Variants in JPH2 observed in about 807,000 individuals in gnomAD.
JPH2 encodes the protein junctophilin-2.
Under a neutral mutation model 55.9 loss-of-function variants are expected in JPH2, and 38 were observed. The ratio of observed to expected loss-of-function variants is 0.68; its 90% confidence interval spans 0.52 to 0.89. The LOEUF is 0.89. Ranked by LOEUF, JPH2 falls within the 40% of genes least tolerant of loss-of-function variation. The pLI is 0.00. For missense variants in JPH2, 964 were observed against 1,037.6 expected (o/e 0.93, Z 0.97); for synonymous variants, 480 against 472.4 (o/e 1.02, Z -0.21).
At chr20:44,165,662 C>T (rs1194230150) in intron 1 of JPH2, among the ~76,000 whole-genome samples, 2 of 152,184 alleles carry the variant, frequency 1.3e-5, no homozygotes, top group Non-Finnish European at 2.9e-5. Flanking sequence ...TGCTCCTCTC[C>T]CGCCATCCTC....
In JPH2 at chr20:44,160,305, G is replaced by T. The variant is rs587782951; in HGVS notation, c.482C>A (p.Thr161Lys). Residue 161 changes from threonine (T) to lysine (K), a missense_variant, in exon 2 of 6, where the codon ACG (threonine) becomes AAG (lysine). Coordinates refer to ENST00000372980, the MANE Select transcript of JPH2 (RefSeq NM_020433.5). The surrounding 1 kb of genome is among the most constrained non-coding windows in gnomAD (Gnocchi z 4.9). ...MAVVVRSPLR[T>K]SLSSLRSEHS... Reference sequence around the variant, plus strand: ...CTCGCTGCGCAGGGACGACAGCGACGTGCGCAGCGGCGAGCGCACCACCAC... The same window carrying T: ...CTCGCTGCGCAGGGACGACAGCGACTTGCGCAGCGGCGAGCGCACCACCAC... 1.3e-6 allele frequency: 2 copies of T among 1,551,868 alleles called. No homozygotes were observed.
At chr20:44,117,378 C>G (rs186370048) in intron 3 of JPH2, among the ~76,000 whole-genome samples, 4 of 152,316 alleles carry the variant, frequency 2.6e-5, no homozygotes, top group Non-Finnish European at 4.4e-5. Context: ...CTACCAAGGC[C>G]GGGAGGTCCT....
intron 2 of JPH2, among the ~76,000 whole-genome samples, chr20:44,144,302 A>G (rs2072478592): frequency 6.6e-6 from 1 of 152,118 alleles, no homozygotes; most frequent in Non-Finnish European, 1.5e-5. Flanking sequence ...CGTTCTACTC[A>G]TCTCGGGCTC....
chr20:44,186,258 C>T (rs2072839281), intron 1 of JPH2, 69 bp downstream of exon 1: 3 of 1,570,290 alleles, frequency 1.9e-6, no homozygotes, highest in African/African-American at 2.7e-5. Flanking sequence ...TCGCCTTTCC[C>T]ACCCTCCACC....
chr20:44,169,785 T>C (rs769182305), intron 1 of JPH2, among the ~76,000 whole-genome samples: 3 of 152,034 alleles, frequency 2.0e-5, no homozygotes, highest in Non-Finnish European at 4.4e-5. Flanking sequence ...CTTTAAGAGG[T>C]GATTAATCCA....
At chr20:44,150,498 T>G (rs2072524058) in intron 2 of JPH2, among the ~76,000 whole-genome samples, 1 of 152,152 alleles carries the variant, frequency 6.6e-6, no homozygotes, top group African/African-American at 2.4e-5. Context: ...CCCAGCGGCC[T>G]TTTTTTCCCC....
At position 44,134,662 on chromosome 20, in the gene JPH2, ATATAAATATATATTTATAAATAT is replaced by A. The variant is rs1445648942; in HGVS notation, c.1170-16062_1170-16040del. ...ATATATAAATATTTATTATAAATAT[ATATAAATATATATTTATAAATAT>A]TATAAATATATATACATTAATATAT... On this transcript the variant is annotated intron_variant, in intron 2 of 5. Coordinates refer to ENST00000372980, the MANE Select transcript of JPH2 (RefSeq NM_020433.5). 1.4e-4 allele frequency among the ~76,000 whole-genome samples: 4 copies of A among 29,130 alleles called. 1 individual carries two copies. The highest frequency in any genetic ancestry group is 2.2e-4 in the Non-Finnish European group (4 of 18,296). The allele number at this position is 29,130 out of a possible 152,430, so 19.1% of individuals were successfully genotyped here.
chr20:44,118,955 C>T (rs2072214719), intron 2 of JPH2, among the ~76,000 whole-genome samples: 2 of 152,218 alleles, frequency 1.3e-5, no homozygotes, highest in African/African-American at 4.8e-5. Context: ...CTCTTTTTTC[C>T]CCAGCATTGC....
At chr20:44,166,396 A>G (rs763106112) in intron 1 of JPH2, among the ~76,000 whole-genome samples, 2 of 152,252 alleles carry the variant, frequency 1.3e-5, no homozygotes, top group Non-Finnish European at 2.9e-5. Flanking sequence ...GAGAGCAGAG[A>G]AGATGGTAAA....
At chr20:44,127,178 A>G (rs147004006) in intron 2 of JPH2, among the ~76,000 whole-genome samples, 7 of 152,324 alleles carry the variant, frequency 4.6e-5, no homozygotes, top group African/African-American at 9.6e-5. Flanking sequence ...CATTGTGTGG[A>G]TAAACCATAT....
chr20:44,140,333 C>A (rs1229782947), intron 2 of JPH2, among the ~76,000 whole-genome samples: 1 of 152,154 alleles, frequency 6.6e-6, no homozygotes, highest in Non-Finnish European at 1.5e-5. Context: ...TCTGACAAAT[C>A]CCTTCTAGAG....
chr20:44,134,805 AAAT>A (rs1213150171), intron 2 of JPH2, among the ~76,000 whole-genome samples: 3 of 60,808 alleles, frequency 4.9e-5, no homozygotes, highest in Non-Finnish European at 9.5e-5. Flanking sequence ...CATTTATTAT[AAAT>A]ATATATAAAT....
At chr20:44,152,339 T>C (rs1393763497) in intron 2 of JPH2, among the ~76,000 whole-genome samples, 1 of 152,216 alleles carries the variant, frequency 6.6e-6, no homozygotes, top group Non-Finnish European at 1.5e-5. Flanking sequence ...AAAATGAGAA[T>C]AACAGTACCT....
rs532994696 is a variant in JPH2 at position 44,130,630 on chromosome 20, T to C, written c.1170-12007A>G. ...TGCTGGCAAAGAGGCTTTCACTGCA[T>C]GAGCTGACAGAGCACTCCAAAACCA... On this transcript the variant is annotated intron_variant, in intron 2 of 5. Coordinates refer to ENST00000372980, the MANE Select transcript of JPH2 (RefSeq NM_020433.5). Among the ~76,000 whole-genome samples, 6 of 152,374 alleles carry C rather than the reference T, an allele frequency of 3.9e-5. No homozygotes were observed. The South Asian group carries it at 1.2e-3, about 32-fold the overall frequency.
rs527293388 is a variant in JPH2, at chr20:44,158,383, G to A, written c.1169+1235C>T. 3.3e-5 allele frequency among the ~76,000 whole-genome samples: 5 copies of A among 152,354 alleles called. No homozygotes were observed. In the South Asian group the frequency reaches 1.0e-3, roughly 32 times the overall value. The stretch of plus-strand genomic sequence containing the variant: ...AATGACAAAAAATAAGGCTGGGTAG[G>A]AGGGTGGGAACCTGATTAGAAAAGG... On this transcript the variant is annotated intron_variant, in intron 2 of 5. Transcript: ENST00000372980.
chr20:44,111,429 G>A lies in JPH2; in HGVS notation c.*2089C>T, dbSNP rs1269075216. 6.6e-6 allele frequency among the ~76,000 whole-genome samples: 1 copy of A among 152,162 alleles called. No homozygotes were observed. The highest frequency in any genetic ancestry group is 2.4e-5 in the African/African-American group (1 of 41,426). ...AGTGGCTGGGCTAGCATTGGAGGCT[G>A]GGGGGACTCCACCTCAAAGGGCAGG... On this transcript the variant is annotated 3_prime_UTR_variant, in exon 6 of 6. Transcript: ENST00000372980.
At chr20:44,167,772 G>A (rs1569214978) in intron 1 of JPH2, among the ~76,000 whole-genome samples, 1 of 152,138 alleles carries the variant, frequency 6.6e-6, no homozygotes, top group Non-Finnish European at 1.5e-5. Flanking sequence ...TCTGTAAAAT[G>A]GAAATCATGA....
intron 5 of JPH2, among the ~76,000 whole-genome samples, chr20:44,113,895 G>A (rs1263966554): frequency 2.0e-5 from 3 of 152,160 alleles, no homozygotes; most frequent in South Asian, 2.1e-4. Context: ...TCACCCCTAC[G>A]GCAGCACTTA....
intron 1 of JPH2, among the ~76,000 whole-genome samples, chr20:44,166,609 C>T (rs965689221): frequency 2.0e-5 from 3 of 152,152 alleles, no homozygotes; most frequent in Non-Finnish European, 2.9e-5. Flanking sequence ...AGGAAACTTA[C>T]AAGCAAGTGG....
Sources: gnomAD v4.1 joint callset for allele counts (sites outside exome capture counted in the v4.1 genomes callset) on GRCh38, gnomAD v4.1.1 for gene constraint, Gnocchi (gnomAD v3.1) non-coding constraint, MANE v1.5 for transcripts, NCBI Gene and HGNC (gene_info 2026-07-23, HGNC 2026-07-21) for gene names.